HM13: variants seen among roughly 807,000 people sequenced by gnomAD.
The protein encoded by HM13 is histocompatibility minor 13.
Under a neutral mutation model 50.0 loss-of-function variants are expected in HM13, and 18 were observed. That is an observed-to-expected ratio of 0.36 (90% CI 0.25 to 0.53). The LOEUF (loss-of-function observed/expected upper bound fraction) is 0.53. Among genes scored for constraint, HM13 ranks in the 20% least tolerant of loss-of-function variants. The pLI, the probability that HM13 is intolerant of heterozygous loss-of-function variation, is 0.90. For missense variants in HM13, 393 were observed against 552.4 expected (o/e 0.71, Z 2.89); for synonymous variants, 197 against 232.6 (o/e 0.85, Z 1.39).
chr20:31,555,736 C>T (rs901542856), intron 8 of HM13, among the ~76,000 whole-genome samples: 3 of 150,946 alleles, frequency 2.0e-5, no homozygotes, highest in Non-Finnish European at 4.4e-5. Context: ...TGGGAAGCTG[C>T]GTGGGGAAGA....
At chr20:31,522,729 C>T (rs570837341) in intron 1 of HM13, among the ~76,000 whole-genome samples, 13 of 152,112 alleles carry the variant, frequency 8.5e-5, no homozygotes, top group Admixed American at 5.9e-4. Context: ...GTCGTGATTC[C>T]GTTTTGCATA....
intron 4 of HM13, 29 bp from the exon 5 acceptor site, chr20:31,549,000 G>C: frequency 2.5e-6 from 4 of 1,600,452 alleles, no homozygotes; most frequent in Non-Finnish European, 3.4e-6. Flanking sequence ...CTGCCTCAGG[G>C]AGTGGACTTA....
chr20:31,566,362 T>C, intron 11 of HM13, 67 bp downstream of exon 11: 1 of 1,291,814 alleles, frequency 7.7e-7, no homozygotes, highest in South Asian at 1.2e-5. Flanking sequence ...CAGTGGAACC[T>C]GCTGGGGGTA....
At chr20:31,538,843 C>A in intron 3 of HM13, 1 of 214,218 alleles carries the variant, frequency 4.7e-6, no homozygotes, top group Non-Finnish European at 8.1e-6. Context: ...AAGCTTTTAG[C>A]ACAGTATCTG....
At chr20:31,528,807 G>A (rs532803192) in intron 2 of HM13, among the ~76,000 whole-genome samples, 4 of 151,686 alleles carry the variant, frequency 2.6e-5, no homozygotes, top group Admixed American at 6.6e-5. Context: ...ACAAGATTTC[G>A]CTTTGTTGCC....
intron 1 of HM13, among the ~76,000 whole-genome samples, chr20:31,525,513 G>A (rs2122553905): frequency 6.6e-6 from 1 of 152,280 alleles, no homozygotes; most frequent in African/African-American, 2.4e-5. Context: ...AATGAGCCTG[G>A]CTACTATGGA....
At chr20:31,551,410 A>G (rs1229394668) in intron 7 of HM13, among the ~76,000 whole-genome samples, 14 of 152,216 alleles carry the variant, frequency 9.2e-5, no homozygotes, top group Admixed American at 9.2e-4. Flanking sequence ...AGCTGTGTCC[A>G]GAAAAAGAAA....
chr20:31,563,716 T>A (rs1410443722), intron 10 of HM13, among the ~76,000 whole-genome samples: 5 of 152,176 alleles, frequency 3.3e-5, no homozygotes, highest in African/African-American at 1.2e-4. Flanking sequence ...TAAGTCTGAA[T>A]GTTAGGATCA....
chr20:31,557,659 C>G lies in HM13; in HGVS notation c.809-1952C>G, dbSNP rs368259960. ...ATTCATTGAGAACTAATTCATTTCC[C>G]TCTTTAAAATTAATCATATGTTGAC... is the stretch of plus-strand genomic sequence containing the variant. On this transcript the variant is annotated intron_variant, in intron 8 of 12. Coordinates refer to ENST00000398174, the MANE Select transcript of HM13 (RefSeq NM_178581.3). Among the ~76,000 whole-genome samples, 31 of 150,020 alleles carry G rather than the reference C, an allele frequency of 2.1e-4. No individual in the cohort carries two copies. In the East Asian group the frequency reaches 4.5e-3, roughly 22 times the overall value.
chr20:31,516,135 A>T (rs1199327557), intron 1 of HM13, among the ~76,000 whole-genome samples: 1 of 152,224 alleles, frequency 6.6e-6, no homozygotes, highest in African/African-American at 2.4e-5. Context: ...AGCTGAGTTC[A>T]GGTGATATTA....
At chr20:31,560,593 G>A (rs1322555867) in intron 9 of HM13, among the ~76,000 whole-genome samples, 5 of 152,326 alleles carry the variant, frequency 3.3e-5, no homozygotes, top group East Asian at 1.9e-4. Flanking sequence ...TGTGCCAGCC[G>A]TCTCTACTCC....
chr20:31,518,837 CT>C (rs1330081937), intron 1 of HM13, among the ~76,000 whole-genome samples: 1 of 151,732 alleles, frequency 6.6e-6, no homozygotes, highest in African/African-American at 2.4e-5. Flanking sequence ...CAGTGAGACC[CT>C]GTCTCAAAAA....
intron 11 of HM13, chr20:31,567,507 A>ATC (rs201743992): frequency 0.079 from 11,824 of 149,770 alleles, 460 homozygotes; most frequent in Admixed American, 0.11. Context: ...AAAGCAAGTG[A>ATC]TCTCTCTCTC....
intron 10 of HM13, among the ~76,000 whole-genome samples, chr20:31,564,473 G>C (rs36038966): frequency 5.9e-5 from 9 of 151,920 alleles, no homozygotes; most frequent in African/African-American, 1.9e-4. Context: ...GCAACTTGTA[G>C]GACTGAGGCG....
chr20:31,514,464 C>G lies in HM13; in HGVS notation c.-88C>G. ...GTCACTTCCTGTTGCCTTAGGGGAA[C>G]GTGGCTTTCCCTGCAGAGCCGGTGT... On this transcript the variant is annotated 5_prime_UTR_variant, in exon 1 of 13. Transcript: ENST00000398174. This position sits in a 1 kb window ranked among gnomAD's most constrained non-coding sequence, Gnocchi z 4.3. 7.0e-7 allele frequency: 1 copy of G among 1,422,864 alleles called. No homozygotes were observed. Among genetic ancestry groups the G allele is most frequent in the Admixed American group, 2.1e-5 (1 of 48,088 alleles). The allele number at this position is 1,422,864 out of a possible 1,614,324, so 88.1% of individuals were successfully genotyped here.
At chr20:31,532,155 G>C (rs973528097) in intron 2 of HM13, among the ~76,000 whole-genome samples, 1 of 151,464 alleles carries the variant, frequency 6.6e-6, no homozygotes. Context: ...GGCCGGGCGC[G>C]GTGGCTCAAG....
intron 10 of HM13, chr20:31,562,790 T>C (rs1406267299): frequency 2.0e-5 from 3 of 152,118 alleles, no homozygotes; most frequent in Admixed American, 1.3e-4. Flanking sequence ...AGCCCATAAT[T>C]AGAAAAACCA....
chr20:31,563,505 G>C (rs1304715952), intron 10 of HM13: 1 of 152,072 alleles, frequency 6.6e-6, no homozygotes, highest in Non-Finnish European at 1.5e-5. Flanking sequence ...TATATTTTTA[G>C]TAGAGACAGG....
At chr20:31,544,804 T>C in intron 3 of HM13, 143 bp from the exon 4 acceptor site, 1 of 666,196 alleles carries the variant, frequency 1.5e-6, no homozygotes. Flanking sequence ...AGGGCCTCTG[T>C]TTTCACATCT....
Sources: gnomAD v4.1 joint callset for allele counts (sites outside exome capture counted in the v4.1 genomes callset) on GRCh38, gnomAD v4.1.1 for gene constraint, Gnocchi (gnomAD v3.1) non-coding constraint, MANE v1.5 for transcripts, NCBI Gene and HGNC (gene_info 2026-07-23, HGNC 2026-07-21) for gene names.